HS3ST3A1: variants seen among roughly 807,000 people sequenced by gnomAD.
HS3ST3A1 encodes heparan sulfate glucosamine 3-O-sulfotransferase 3A1.
HS3ST3A1 carries 19 observed loss-of-function variants against 25.7 expected under a neutral mutation model. The observed-to-expected ratio is 0.74, with a 90% CI of 0.52 to 1.08. HS3ST3A1 has a LOEUF of 1.08. Among genes scored for constraint, HS3ST3A1 ranks in the 50% least tolerant of loss-of-function variants. The pLI is 0.00. For synonymous variants in HS3ST3A1, 226 were observed against 278.6 expected, an observed-to-expected ratio of 0.81 and a Z score of 1.88; for missense variants, 459 against 594.3, an observed-to-expected ratio of 0.77 and a Z score of 2.37.
At chr17:13,537,561 G>A (rs1906807184) in intron 1 of HS3ST3A1, among the ~76,000 whole-genome samples, 2 of 152,140 alleles carry the variant, frequency 1.3e-5, no homozygotes, top group African/African-American at 4.8e-5. Context: ...AATCTTGAAT[G>A]GTTTGAGAGA....
At chr17:13,577,935 C>T (rs756018499) in intron 1 of HS3ST3A1, among the ~76,000 whole-genome samples, 7 of 151,964 alleles carry the variant, frequency 4.6e-5, no homozygotes, top group Non-Finnish European at 5.9e-5. Context: ...CCAATCAAAA[C>T]GGGCATCTTC....
intron 1 of HS3ST3A1, among the ~76,000 whole-genome samples, chr17:13,585,712 C>G (rs542152687): frequency 1.9e-4 from 29 of 152,062 alleles, no homozygotes; most frequent in African/African-American, 6.7e-4. Context: ...CTGACACAAC[C>G]GTAGTGATCA....
intron 1 of HS3ST3A1, among the ~76,000 whole-genome samples, chr17:13,585,932 C>A (rs1051241685): frequency 1.4e-5 from 2 of 148,062 alleles, no homozygotes; most frequent in African/African-American, 5.1e-5. Context: ...TCACTGCAAC[C>A]TCTGCCTCCC....
chr17:13,501,452 C>G (rs551237153), intron 1 of HS3ST3A1, among the ~76,000 whole-genome samples: 4 of 135,828 alleles, frequency 2.9e-5, no homozygotes, highest in African/African-American at 1.1e-4. Context: ...ACAAAAGAGT[C>G]TTTTTGCTTT....
At chr17:13,600,423 A>G in intron 1 of HS3ST3A1, 108 bp downstream of exon 1, 1 of 1,412,350 alleles carries the variant, frequency 7.1e-7, no homozygotes, top group Non-Finnish European at 9.2e-7. Context: ...CGCCTTCTGC[A>G]TGAAGTGGGG....
intron 1 of HS3ST3A1, among the ~76,000 whole-genome samples, chr17:13,564,429 G>T (rs976745450): frequency 6.6e-6 from 1 of 152,010 alleles, no homozygotes; most frequent in South Asian, 2.1e-4. Flanking sequence ...ACCCCCTAAG[G>T]ATACCAAAAT....
chr17:13,503,047 G>A (rs186265834), intron 1 of HS3ST3A1, among the ~76,000 whole-genome samples: 1,566 of 151,776 alleles, frequency 0.01, 12 homozygotes, highest in Middle Eastern at 0.024. Context: ...GCGTGTTGGC[G>A]TGTGCCTGTA....
intron 1 of HS3ST3A1, among the ~76,000 whole-genome samples, chr17:13,587,383 G>A (rs1166101546): frequency 2.6e-5 from 4 of 152,236 alleles, no homozygotes; most frequent in African/African-American, 9.6e-5. Flanking sequence ...GAACCCAAGA[G>A]GCAGAGGTTG....
chr17:13,536,331 G>T (rs763994134), intron 1 of HS3ST3A1, among the ~76,000 whole-genome samples: 6 of 152,094 alleles, frequency 3.9e-5, no homozygotes, highest in Non-Finnish European at 7.4e-5. Context: ...TTAGAAGAAA[G>T]TCAAGGGCTA....
At chr17:13,499,271 T>A (rs1453182370) in intron 1 of HS3ST3A1, among the ~76,000 whole-genome samples, 1 of 152,146 alleles carries the variant, frequency 6.6e-6, no homozygotes, top group Non-Finnish European at 1.5e-5. Flanking sequence ...AACTGAAAAG[T>A]TGGCTAGGCC....
intron 1 of HS3ST3A1, among the ~76,000 whole-genome samples, chr17:13,535,200 T>A (rs1168058380): frequency 2.0e-5 from 3 of 152,192 alleles, no homozygotes; most frequent in Admixed American, 1.3e-4. Flanking sequence ...CATTATTTAA[T>A]ATATAGTTGA....
At chr17:13,535,057 T>TAAATAAATAAAAC (rs1339162912) in intron 1 of HS3ST3A1, among the ~76,000 whole-genome samples, 24 of 113,082 alleles carry the variant, frequency 2.1e-4, no homozygotes, top group African/African-American at 1.0e-3. Flanking sequence ...ATAAATAAAA[T>TAAATAAATAAAAC]GAAACATTAA....
chr17:13,527,201 A>G (rs1906459081), intron 1 of HS3ST3A1, among the ~76,000 whole-genome samples: 1 of 152,082 alleles, frequency 6.6e-6, no homozygotes, highest in African/African-American at 2.4e-5. Flanking sequence ...TCATTCCTTT[A>G]AACTGATTTT....
Position 13,494,343 on chromosome 17 carries a change from G to T in HS3ST3A1, c.*1854C>A, listed in dbSNP as rs1266118696. Among the ~76,000 whole-genome samples, 1 of 152,098 alleles carries T rather than the reference G, an allele frequency of 6.6e-6. No homozygotes were observed. The highest frequency in any genetic ancestry group is 1.5e-5 in the Non-Finnish European group (1 of 68,020). ...GGGTTTACTTAACTTCTATAAATGGGATATTAACAGATAAATCCAAAGATT... is the reference window on the plus strand; with the variant it reads ...GGGTTTACTTAACTTCTATAAATGGTATATTAACAGATAAATCCAAAGATT... On this transcript the variant is annotated 3_prime_UTR_variant, in exon 2 of 2. Transcript: ENST00000284110.
intron 1 of HS3ST3A1, among the ~76,000 whole-genome samples, chr17:13,598,966 G>T (rs1157281434): frequency 6.6e-6 from 1 of 152,118 alleles, no homozygotes; most frequent in Non-Finnish European, 1.5e-5. Flanking sequence ...AAATGTGTTC[G>T]CTTACAGCAC....
chr17:13,600,965 C>A lies in HS3ST3A1; in HGVS notation c.165G>T (p.Gly55=), dbSNP rs375560183. The A allele has an allele frequency of 6.7e-4, 1,034 of 1,550,816 alleles. 2 individuals carry two copies. The highest frequency in any genetic ancestry group is 8.4e-4 in the Non-Finnish European group (968 of 1,148,414). ...CCGCCTCCTCGCCGCCGCCGGACAG[C>A]CCCACGACGGGGCCGGACAGGGTCT... ...RCQTLSGPVV[G]LSGGGEEAGA... The change falls in exon 1 of 2, where the codon GGG becomes GGT. Residue 55 remains glycine (G), a synonymous_variant. Coordinates refer to ENST00000284110, the MANE Select transcript of HS3ST3A1 (RefSeq NM_006042.3).
chr17:13,534,605 G>A (rs1489597504), intron 1 of HS3ST3A1, among the ~76,000 whole-genome samples: 3 of 145,746 alleles, frequency 2.1e-5, no homozygotes, highest in Admixed American at 7.0e-5. Context: ...GCATGCACCT[G>A]TAGTTCCAGC....
At chr17:13,547,295 T>A (rs1474237616) in intron 1 of HS3ST3A1, among the ~76,000 whole-genome samples, 1 of 152,138 alleles carries the variant, frequency 6.6e-6, no homozygotes, top group Non-Finnish European at 1.5e-5. Flanking sequence ...TAAGTGCCTT[T>A]TGCAAGTAAA....
At chr17:13,572,183 T>C (rs1488881947) in intron 1 of HS3ST3A1, among the ~76,000 whole-genome samples, 1 of 152,222 alleles carries the variant, frequency 6.6e-6, no homozygotes, top group African/African-American at 2.4e-5. Flanking sequence ...CCTTTTTACG[T>C]CTATGAAATG....
Sources: gnomAD v4.1 joint callset for allele counts (sites outside exome capture counted in the v4.1 genomes callset) on GRCh38, gnomAD v4.1.1 for gene constraint, MANE v1.5 for transcripts, NCBI Gene and HGNC (gene_info 2026-07-23, HGNC 2026-07-21) for gene names.